PIP4K2B: variants seen among roughly 807,000 people sequenced by gnomAD.
The protein encoded by PIP4K2B is phosphatidylinositol-5-phosphate 4-kinase type 2 beta, also known as phosphatidylinositol 5-phosphate 4-kinase type-2 beta.
A neutral mutation model predicts 42.0 loss-of-function variants in PIP4K2B; 3 were observed. The ratio of observed to expected loss-of-function variants is 0.07; its 90% CI spans 0.03 to 0.18. PIP4K2B has a LOEUF of 0.18. Ranked by LOEUF, PIP4K2B falls within the 10% of genes least tolerant of loss-of-function variation. The probability of loss-of-function intolerance (pLI) is 1.00; values close to 1 mark genes in which losing one functional copy is unlikely to be tolerated. For missense variants in PIP4K2B, 332 were observed against 562.3 expected (o/e 0.59, Z 4.14); for synonymous variants, 204 against 210.1 (o/e 0.97, Z 0.25).
chr17:38,797,600 G>A (rs74438024), intron 1 of PIP4K2B, among the ~76,000 whole-genome samples: 3,555 of 152,206 alleles, frequency 0.023, 72 homozygotes, highest in Non-Finnish European at 0.037. Context: ...TAAAATAAGG[G>A]ACCCAAGGTT....
chr17:38,799,363 G>C lies in PIP4K2B; in HGVS notation c.62C>G (p.Thr21Ser). 6.2e-7 allele frequency: 1 copy of C among 1,610,242 alleles called. No homozygotes were observed. The highest frequency in any genetic ancestry group is 2.2e-5 in the East Asian group (1 of 44,596). Residue 21 changes from threonine (T) to serine (S), a missense_variant, in exon 1 of 10, where the codon ACC (threonine) becomes AGC (serine). By Grantham distance (58) the Thr-to-Ser change is moderately conservative. This residue lies in a region of PIP4K2B where 186 missense variants were observed against 288.4 expected (regional missense o/e 0.64). Coordinates refer to ENST00000619039, the MANE Select transcript of PIP4K2B (RefSeq NM_003559.5). The surrounding 1 kb of genome is among the most constrained non-coding windows in gnomAD (Gnocchi z 4.4). ...VAVAPLSASK[T>S]KTKKKHFVCQ... ...CACGAAATGCTTCTTCTTGGTCTTG[G>C]TCTTGCTGGCGCTGAGCGGCGCCAC... is the stretch of plus-strand genomic sequence containing the variant.
At chr17:38,793,280 G>A (rs954976333) in intron 1 of PIP4K2B, among the ~76,000 whole-genome samples, 7 of 142,836 alleles carry the variant, frequency 4.9e-5, no homozygotes, top group African/African-American at 1.3e-4. Flanking sequence ...AGTTTTGCTC[G>A]TCACCCAGGC....
chr17:38,795,099 CAAAAAAAAAAAAA>C lies in PIP4K2B; in HGVS notation c.159+4154_159+4166del, dbSNP rs61707682. Among the ~76,000 whole-genome samples, 36 of 41,504 alleles carry C rather than the reference CAAAAAAAAAAAAA, an allele frequency of 8.7e-4. 1 individual carries two copies. The highest frequency in any genetic ancestry group is 2.9e-3 in the African/African-American group (34 of 11,722). 27.2% of individuals were successfully genotyped at this position (41,504 alleles called of 152,430 possible). On this transcript the variant is annotated intron_variant, in intron 1 of 9. Transcript: ENST00000619039. ...AGGGCGACAGAGCAAAACTCCATCT[CAAAAAAAAAAAAA>C]AAAAAAAAAAAAGAAAAATGAAAAA...
At chr17:38,770,330 T>G in intron 9 of PIP4K2B, 106 bp downstream of exon 9, 1 of 709,348 alleles carries the variant, frequency 1.4e-6, no homozygotes, top group East Asian at 2.5e-5. Context: ...GAGACAGGAG[T>G]GTGTTCCTTG....
In PIP4K2B at chr17:38,766,196, T is replaced by G. The variant is rs188916689; in HGVS notation, c.*3495A>C. On this transcript the variant is annotated 3_prime_UTR_variant, in exon 10 of 10. Coordinates refer to ENST00000619039, the MANE Select transcript of PIP4K2B (RefSeq NM_003559.5). The stretch of plus-strand genomic sequence containing the variant: ...TGACCCCTGCAGATGGCTGGTAGAT[T>G]GGGGAACAGTTGTCTGAATGGGTTT... 61 of 152,400 alleles carry G rather than the reference T, an allele frequency of 4.0e-4. 1 individual carries two copies. Among genetic ancestry groups the G allele is most frequent in the Admixed American group, 3.9e-3 (59 of 15,310 alleles). The allele number at this position is 152,400 out of a possible 1,614,324, so 9.4% of individuals were successfully genotyped here.
chr17:38,770,100 G>C (rs116408573), intron 9 of PIP4K2B, among the ~76,000 whole-genome samples: 52 of 152,330 alleles, frequency 3.4e-4, no homozygotes, highest in African/African-American at 1.2e-3. Flanking sequence ...CCTGTGGGGA[G>C]CAGTATGGGC....
intron 3 of PIP4K2B, among the ~76,000 whole-genome samples, chr17:38,781,841 G>A (rs189360125): frequency 3.0e-4 from 45 of 147,870 alleles, no homozygotes; most frequent in African/African-American, 1.1e-3. Flanking sequence ...TAAAGATGGT[G>A]TTTTGCTGTC....
At chr17:38,776,698 A>C (rs1240043467) in intron 7 of PIP4K2B, 2 of 395,990 alleles carry the variant, frequency 5.1e-6, no homozygotes, top group African/African-American at 4.2e-5. Flanking sequence ...ACAATTAAAA[A>C]AAATTTTTTT....
At chr17:38,794,448 T>C (rs1331506789) in intron 1 of PIP4K2B, among the ~76,000 whole-genome samples, 1 of 150,696 alleles carries the variant, frequency 6.6e-6, no homozygotes, top group Admixed American at 6.6e-5. Flanking sequence ...ACTTAAAATT[T>C]TGTCATGAGA....
rs566097329 is a variant in PIP4K2B at position 38,797,813 on chromosome 17, G to C, written c.159+1453C>G. ...CCCAGTTTCCCTAGAAATGTTGTCA[G>C]ATGACCCCTGGGACAGCAGGAAGAC... On this transcript the variant is annotated intron_variant, in intron 1 of 9. Transcript: ENST00000619039. Among the ~76,000 whole-genome samples, 11 of 152,310 alleles carry C rather than the reference G, an allele frequency of 7.2e-5. No individual in the cohort carries two copies. The South Asian group carries it at 2.3e-3, about 32-fold the overall frequency.
intron 8 of PIP4K2B, 83 bp downstream of exon 8, chr17:38,770,931 T>G (rs550404390): frequency 6.8e-7 from 1 of 1,473,228 alleles, no homozygotes; most frequent in African/African-American, 1.4e-5. Context: ...GAGGTCCAGA[T>G]GCCCCTAGAA....
rs1355458983 is a variant in PIP4K2B at position 38,768,225 on chromosome 17, G to C, written c.*1466C>G. 6.6e-6 allele frequency: 1 copy of C among 152,302 alleles called. No individual in the cohort carries two copies. Among genetic ancestry groups the C allele is most frequent in the Non-Finnish European group, 1.5e-5 (1 of 68,074 alleles). The allele number at this position is 152,302 out of a possible 1,614,324, so 9.4% of individuals were successfully genotyped here. On this transcript the variant is annotated 3_prime_UTR_variant, in exon 10 of 10. Coordinates refer to ENST00000619039, the MANE Select transcript of PIP4K2B (RefSeq NM_003559.5). ...TGAGGGGGTGAGAAGATGCAGGAAT[G>C]TACCTCCCCCAATGCAGAACAACAG...
intron 1 of PIP4K2B, among the ~76,000 whole-genome samples, chr17:38,798,794 G>GA (rs1156240635): frequency 6.6e-6 from 1 of 152,182 alleles, no homozygotes; most frequent in Admixed American, 6.5e-5. Flanking sequence ...GAGGATGGAA[G>GA]AATTTGAGCA....
chr17:38,779,667 T>A (rs543019906), intron 4 of PIP4K2B, 138 bp from the exon 5 acceptor site: 19 of 710,552 alleles, frequency 2.7e-5, no homozygotes, highest in Non-Finnish European at 4.2e-5. Context: ...CTGGGTTCTA[T>A]GAAGTAATAG....
At chr17:38,798,335 A>G (rs1910758288) in intron 1 of PIP4K2B, among the ~76,000 whole-genome samples, 1 of 152,182 alleles carries the variant, frequency 6.6e-6, no homozygotes, top group Non-Finnish European at 1.5e-5. Flanking sequence ...AGTGGTTGGA[A>G]GAGGGAGAAT....
chr17:38,795,147 A>ATGAATAG (rs373693336), intron 1 of PIP4K2B, among the ~76,000 whole-genome samples: 1 of 151,534 alleles, frequency 6.6e-6, no homozygotes, highest in African/African-American at 2.4e-5. Context: ...AGACAACTCA[A>ATGAATAG]TGAATAGGAT....
At chr17:38,777,374 T>G (rs970932727) in intron 7 of PIP4K2B, among the ~76,000 whole-genome samples, 13 of 152,318 alleles carry the variant, frequency 8.5e-5, no homozygotes, top group Admixed American at 8.5e-4. Flanking sequence ...ACAGCTCTGA[T>G]GGCCAGATGC....
chr17:38,777,398 G>T (rs1396183884), intron 7 of PIP4K2B, among the ~76,000 whole-genome samples: 1 of 152,136 alleles, frequency 6.6e-6, no homozygotes, highest in East Asian at 1.9e-4. Context: ...CTCCATTGTA[G>T]GGACAACAGC....
Position 38,799,434 on chromosome 17 carries a change from G to A in PIP4K2B, c.-10C>T. 1 of 1,561,122 alleles carries A rather than the reference G, an allele frequency of 6.4e-7. No homozygotes were observed. The highest frequency in any genetic ancestry group is 8.6e-7 in the Non-Finnish European group (1 of 1,161,382). On this transcript the variant is annotated 5_prime_UTR_variant, in exon 1 of 10. Transcript: ENST00000619039. The surrounding 1 kb of genome is among the most constrained non-coding windows in gnomAD (Gnocchi z 4.4). ...TGCAGTTGGACGACATGCCCGGGGC[G>A]GCGGCGGCGGCGGCGAAAGAGGGGG...
Sources: allele counts gnomAD v4.1 joint callset (sites outside exome capture counted in the v4.1 genomes callset), GRCh38; gene constraint gnomAD v4.1.1; regional missense constraint gnomAD v4.1.1; non-coding constraint Gnocchi (gnomAD v3.1); transcripts MANE v1.5; gene names NCBI Gene and HGNC (gene_info 2026-07-23, HGNC 2026-07-21).